The following RAPGEF5 variants were observed in gnomAD, a reference collection of about 807,000 sequenced individuals.
RAPGEF5 encodes Rap guanine nucleotide exchange factor 5.
Under a neutral mutation model 125.2 loss-of-function variants are expected in RAPGEF5, and 65 were observed. That is an observed-to-expected ratio of 0.52 (90% CI 0.43 to 0.64). The LOEUF is 0.64. Ranked by LOEUF, RAPGEF5 falls within the 30% of genes least tolerant of loss-of-function variation. RAPGEF5 has a pLI of 0.00. For synonymous variants in RAPGEF5, 391 were observed against 385.9 expected (o/e 1.01, Z -0.16); for missense variants, 958 against 1,048.1 (o/e 0.91, Z 1.19).
intron 5 of RAPGEF5, among the ~76,000 whole-genome samples, chr7:22,303,755 T>C (rs1783267082): frequency 6.6e-6 from 1 of 152,178 alleles, no homozygotes; most frequent in South Asian, 2.1e-4. Flanking sequence ...AAGAATGACA[T>C]GGAAGCATGG....
At chr7:22,152,973 T>C (rs935498725) in intron 17 of RAPGEF5, among the ~76,000 whole-genome samples, 4 of 152,184 alleles carry the variant, frequency 2.6e-5, no homozygotes, top group Non-Finnish European at 5.9e-5. Flanking sequence ...CTATTGCCCA[T>C]ACTGATGAAT....
chr7:22,148,097 G>T (rs530317657), intron 18 of RAPGEF5, among the ~76,000 whole-genome samples: 2 of 151,774 alleles, frequency 1.3e-5, no homozygotes, highest in African/African-American at 4.8e-5. Context: ...TGCTCGGAAA[G>T]CAATGACCAA....
chr7:22,184,938 CCT>C (rs138662381), intron 11 of RAPGEF5, among the ~76,000 whole-genome samples: 3 of 151,638 alleles, frequency 2.0e-5, no homozygotes, highest in African/African-American at 7.3e-5. Flanking sequence ...CTTTCTCTCT[CCT>C]CTCTCTCTCT....
chr7:22,329,665 G>A (rs78920091), intron 1 of RAPGEF5, among the ~76,000 whole-genome samples: 28 of 152,274 alleles, frequency 1.8e-4, no homozygotes, highest in Non-Finnish European at 3.1e-4. Flanking sequence ...AACAGAATGG[G>A]TTCTGTGTCA....
chr7:22,285,147 CG>C lies in RAPGEF5; in HGVS notation c.747+6027del, dbSNP rs374524650. Among the ~76,000 whole-genome samples the C allele has an allele frequency of 1.2e-4, 19 of 152,284 alleles. No individual in the cohort carries two copies. The East Asian group carries it at 2.9e-3, about 23-fold the overall frequency. On this transcript the variant is annotated intron_variant, in intron 6 of 25. Coordinates refer to ENST00000665637, the MANE Select transcript of RAPGEF5 (RefSeq NM_012294.5). ...TGACCATGCAGCTGACCGGGAGCCG[CG>C]GCTCACAGCTGCTGCCCAGCATCTC...
At position 22,157,865 on chromosome 7, in the gene RAPGEF5, G is replaced by A. The variant is rs1311705984; in HGVS notation, c.1547C>T (p.Pro516Leu). 6.2e-7 allele frequency: 1 copy of A among 1,611,346 alleles called. No homozygotes were observed. Among genetic ancestry groups the A allele is most frequent in the Non-Finnish European group, 8.5e-7 (1 of 1,178,092 alleles). The change falls in exon 15 of 26, where the codon CCA becomes CTA. Residue 516 changes from proline (P) to leucine (L), a missense_variant. Transcript: ENST00000665637. Reference sequence around the variant, plus strand: ...GAAGCATCTGCTTACCTTTTTTTGTGGTGAATATTCATCTACAGTGCTGAA... The same window carrying A: ...GAAGCATCTGCTTACCTTTTTTTGTAGTGAATATTCATCTACAGTGCTGAA... ...HRRHTVDEYS[P>L]QKKNKALFHQ...
Position 22,308,495 on chromosome 7 carries a change from A to G in RAPGEF5, c.524T>C (p.Leu175Pro). The G allele has an allele frequency of 6.4e-7, 1 of 1,552,758 alleles. No homozygotes were observed. Among genetic ancestry groups the G allele is most frequent in the Admixed American group, 2.0e-5 (1 of 51,252 alleles). The change falls in exon 5 of 26, where the codon CTA (leucine) becomes CCA (proline). Residue 175 changes from leucine (L) to proline (P), a missense_variant. By Grantham distance (98) the Leu-to-Pro change is moderately conservative (BLOSUM62 -3). Coordinates refer to ENST00000665637, the MANE Select transcript of RAPGEF5 (RefSeq NM_012294.5). ...GAAAACATAAGTATCTTGAAAGTAT[A>G]GATGCTGGTCCACTGTTTGAAACAA... is the stretch of plus-strand genomic sequence containing the variant. ...MGIMLSVDQH[L>P]YFQDTYVFYQ...
At chr7:22,327,994 G>A in intron 1 of RAPGEF5, among the ~76,000 whole-genome samples, 1 of 152,282 alleles carries the variant, frequency 6.6e-6, no homozygotes. Flanking sequence ...TATTGTTATT[G>A]TTGAGCACTC....
intron 1 of RAPGEF5, among the ~76,000 whole-genome samples, chr7:22,342,566 C>A (rs1407735346): frequency 6.6e-6 from 1 of 152,172 alleles, no homozygotes; most frequent in African/African-American, 2.4e-5. Context: ...AACTTTTATG[C>A]TCTGCTTCAC....
At chr7:22,211,708 G>A (rs1230322154) in intron 9 of RAPGEF5, among the ~76,000 whole-genome samples, 2 of 151,606 alleles carry the variant, frequency 1.3e-5, no homozygotes, top group Non-Finnish European at 1.5e-5. Flanking sequence ...ACATTGCAAC[G>A]GAGGAATGTT....
chr7:22,122,603 G>C, intron 25 of RAPGEF5, 82 bp from the exon 26 acceptor site: 1 of 1,008,154 alleles, frequency 9.9e-7, no homozygotes, highest in Non-Finnish European at 1.5e-6. Context: ...CCACACTAAG[G>C]CTGAGTAAAT....
intron 5 of RAPGEF5, among the ~76,000 whole-genome samples, chr7:22,303,677 T>A (rs1783265145): frequency 6.6e-6 from 1 of 152,066 alleles, no homozygotes; most frequent in Admixed American, 6.5e-5. Flanking sequence ...TTTCAGCAAA[T>A]GAATGGACAA....
chr7:22,213,831 T>C (rs1167467534), intron 9 of RAPGEF5, among the ~76,000 whole-genome samples: 1 of 152,248 alleles, frequency 6.6e-6, no homozygotes, highest in African/African-American at 2.4e-5. Context: ...AAATTACTGA[T>C]AAACTTCAAA....
chr7:22,177,096 A>G (rs1279306904), intron 11 of RAPGEF5, among the ~76,000 whole-genome samples: 1 of 152,226 alleles, frequency 6.6e-6, no homozygotes, highest in Non-Finnish European at 1.5e-5. Context: ...AGGTTTGGTC[A>G]GCAACCATTT....
chr7:22,235,400 C>T (rs1368817805), intron 7 of RAPGEF5, among the ~76,000 whole-genome samples: 1 of 152,160 alleles, frequency 6.6e-6, no homozygotes, highest in Non-Finnish European at 1.5e-5. Context: ...CTGCTACAGT[C>T]AAGGATGGAA....
At chr7:22,194,901 G>A in intron 9 of RAPGEF5, 1 of 298,328 alleles carries the variant, frequency 3.4e-6, no homozygotes, top group South Asian at 1.3e-4. Context: ...CTTCCAGAGT[G>A]TTTAGTGTGA....
chr7:22,276,847 T>C (rs1782569594), intron 6 of RAPGEF5, among the ~76,000 whole-genome samples: 1 of 152,132 alleles, frequency 6.6e-6, no homozygotes, highest in Admixed American at 6.5e-5. Context: ...CGACACAGAG[T>C]AAGTGCTATT....
intron 5 of RAPGEF5, among the ~76,000 whole-genome samples, chr7:22,307,609 T>C (rs1290858355): frequency 6.6e-6 from 1 of 152,158 alleles, no homozygotes; most frequent in Non-Finnish European, 1.5e-5. Context: ...GTTATACAGG[T>C]ATTTCTCTCT....
chr7:22,150,513 GAA>G lies in RAPGEF5; in HGVS notation c.1787-11_1787-10del, dbSNP rs10668286. 216,451 of 1,215,278 alleles carry G rather than the reference GAA, an allele frequency of 0.18. 7 individuals are homozygous for G. Among genetic ancestry groups the G allele is most frequent in the Middle Eastern group, 0.23 (1,038 of 4,530 alleles). The allele number at this position is 1,215,278 out of a possible 1,614,324, so 75.3% of individuals were successfully genotyped here. On this transcript the variant is annotated splice_polypyrimidine_tract_variant and intron_variant, in intron 17 of 25. Coordinates refer to ENST00000665637, the MANE Select transcript of RAPGEF5 (RefSeq NM_012294.5). Reference sequence around the variant, plus strand: ...CTGAAGTTCATGCTTTTCTTTATTTGAAAAAAAAAAAAAAAAAAGGAATAATC... The same window carrying G: ...CTGAAGTTCATGCTTTTCTTTATTTGAAAAAAAAAAAAAAAAGGAATAATC...
Sources: gnomAD v4.1 joint callset for allele counts (sites outside exome capture counted in the v4.1 genomes callset) on GRCh38, gnomAD v4.1.1 for gene constraint, MANE v1.5 for transcripts, NCBI Gene and HGNC (gene_info 2026-07-23, HGNC 2026-07-21) for gene names.